The following ADCY5 variants were observed in gnomAD, a reference collection of about 807,000 sequenced individuals.
ADCY5 encodes adenylate cyclase type 5.
In ADCY5, 30 loss-of-function variants were observed where a neutral mutation model predicts 119.7. The observed-to-expected ratio is 0.25, with a 90% CI of 0.19 to 0.34. ADCY5 has a LOEUF of 0.34. Ranked by LOEUF, ADCY5 falls within the 10% of genes least tolerant of loss-of-function variation. The pLI, the probability that ADCY5 is intolerant of heterozygous loss-of-function variation, is 1.00. For missense variants in ADCY5, 1,324 were observed against 1,775.2 expected (o/e 0.75, Z 4.57); for synonymous variants, 753 against 762.2 (o/e 0.99, Z 0.20).
intron 1 of ADCY5, among the ~76,000 whole-genome samples, chr3:123,395,188 T>C (rs1944507036): frequency 6.6e-6 from 1 of 152,206 alleles, no homozygotes; most frequent in African/African-American, 2.4e-5. Context: ...CCTTGTCCCC[T>C]GGTCTAACTA....
chr3:123,318,289 G>C, intron 10 of ADCY5, 172 bp from the exon 11 acceptor site: 1 of 567,004 alleles, frequency 1.8e-6, no homozygotes, highest in Admixed American at 2.9e-5. Flanking sequence ...CAGGAAACCA[G>C]TCCAGATCAC....
At chr3:123,342,812 T>G (rs938553115) in intron 3 of ADCY5, among the ~76,000 whole-genome samples, 13 of 152,178 alleles carry the variant, frequency 8.5e-5, no homozygotes, top group African/African-American at 3.1e-4. Flanking sequence ...TTCAGAGCCC[T>G]CTCAGGCCTG....
intron 1 of ADCY5, among the ~76,000 whole-genome samples, chr3:123,382,446 G>A (rs1435783412): frequency 6.6e-6 from 1 of 152,132 alleles, no homozygotes; most frequent in East Asian, 1.9e-4. Flanking sequence ...TTGAGAGCAG[G>A]GGCTCAAACA....
rs767517552 is a variant in ADCY5, at chr3:123,364,995, G to A, written c.1135-12414C>T. 4.6e-5 allele frequency among the ~76,000 whole-genome samples: 7 copies of A among 150,860 alleles called. No homozygotes were observed. In the South Asian group the frequency reaches 6.3e-4, roughly 14 times the overall value. On this transcript the variant is annotated intron_variant, in intron 1 of 20. Coordinates refer to ENST00000462833, the MANE Select transcript of ADCY5 (RefSeq NM_183357.3). ...GTTGCCCAGGCTGGAATGCAGTGGC[G>A]AGATCTCGGCTCACTGCAAACTCTG...
intron 1 of ADCY5, among the ~76,000 whole-genome samples, chr3:123,392,339 T>C (rs1001757949): frequency 1.3e-5 from 2 of 152,176 alleles, no homozygotes; most frequent in African/African-American, 4.8e-5. Flanking sequence ...CAAGTTTTTT[T>C]CTTCCCCTAG....
chr3:123,361,685 C>A (rs961827072), intron 1 of ADCY5, among the ~76,000 whole-genome samples: 1 of 152,152 alleles, frequency 6.6e-6, no homozygotes, highest in African/African-American at 2.4e-5. Flanking sequence ...TGCTAGGGAC[C>A]AGAAGTGTTT....
At chr3:123,336,057 G>T (rs1198087226) in intron 3 of ADCY5, among the ~76,000 whole-genome samples, 1 of 152,254 alleles carries the variant, frequency 6.6e-6, no homozygotes, top group African/African-American at 2.4e-5. Context: ...GCAGCTGTGG[G>T]ATGGGCCCAG....
chr3:123,352,628 T>G lies in ADCY5; in HGVS notation c.1135-47A>C. The G allele has an allele frequency of 6.4e-7, 1 of 1,561,884 alleles. No homozygotes were observed. Among genetic ancestry groups the G allele is most frequent in the Non-Finnish European group, 8.7e-7 (1 of 1,147,536 alleles). ...CACCTAGCTCAGATCCTGACCTTCCTGGCCCCAAAGCATGAAGCCCTCAGC... is the reference window on the plus strand; with the variant it reads ...CACCTAGCTCAGATCCTGACCTTCCGGGCCCCAAAGCATGAAGCCCTCAGC... On this transcript the variant is annotated intron_variant, in intron 1 of 20. Coordinates refer to ENST00000462833, the MANE Select transcript of ADCY5 (RefSeq NM_183357.3). The surrounding 1 kb of genome is among the most constrained non-coding windows in gnomAD (Gnocchi z 4.8).
At chr3:123,285,086 G>T (rs1165982457) in intron 20 of ADCY5, among the ~76,000 whole-genome samples, 2 of 152,194 alleles carry the variant, frequency 1.3e-5, no homozygotes, top group African/African-American at 4.8e-5. Context: ...AGCTTTCAAA[G>T]CCATCTGACC....
At chr3:123,303,935 C>A in intron 13 of ADCY5, 132 bp downstream of exon 13, 2 of 648,174 alleles carry the variant, frequency 3.1e-6, no homozygotes, top group South Asian at 1.9e-5. Context: ...AAAGCTGATC[C>A]CAGACCCAGG....
chr3:123,287,071 C>T, intron 19 of ADCY5: 1 of 384,416 alleles, frequency 2.6e-6, no homozygotes, highest in Non-Finnish European at 4.6e-6. Flanking sequence ...TAGTGACCTC[C>T]TGTGCAATGC....
intron 7 of ADCY5, 55 bp downstream of exon 7, chr3:123,327,563 T>C: frequency 1.3e-6 from 2 of 1,526,494 alleles, no homozygotes; most frequent in Non-Finnish European, 1.8e-6. Flanking sequence ...GTCACGAAAA[T>C]GTTCCTCCCT....
At chr3:123,358,322 C>G (rs1943117620) in intron 1 of ADCY5, among the ~76,000 whole-genome samples, 1 of 152,094 alleles carries the variant, frequency 6.6e-6, no homozygotes, top group Non-Finnish European at 1.5e-5. Flanking sequence ...TTAAAACAAG[C>G]AGCCGGATGC....
At chr3:123,438,401 G>A (rs948435000) in intron 1 of ADCY5, among the ~76,000 whole-genome samples, 3 of 151,996 alleles carry the variant, frequency 2.0e-5, no homozygotes, top group African/African-American at 7.3e-5. Flanking sequence ...TGCTTTCCGC[G>A]GTTTCAGTAA....
chr3:123,326,223 G>A (rs1941476269), intron 7 of ADCY5, among the ~76,000 whole-genome samples: 1 of 152,224 alleles, frequency 6.6e-6, no homozygotes, highest in Admixed American at 6.5e-5. Flanking sequence ...AGATTCAAGA[G>A]CTGACAGGCA....
At position 123,437,763 on chromosome 3, in the gene ADCY5, C is replaced by G. The variant is rs561724722; in HGVS notation, c.1134+9649G>C. 2.0e-5 allele frequency among the ~76,000 whole-genome samples: 3 copies of G among 152,140 alleles called. No homozygotes were observed. The South Asian group carries it at 6.2e-4, about 32-fold the overall frequency. ...TCCGACACTACTTCCCCATGGGCAG[C>G]CACGCACTCAGTGCCTTGCTTAGGA... On this transcript the variant is annotated intron_variant, in intron 1 of 20. Transcript: ENST00000462833.
At chr3:123,305,826 A>G (rs1940168449) in intron 12 of ADCY5, among the ~76,000 whole-genome samples, 1 of 152,182 alleles carries the variant, frequency 6.6e-6, no homozygotes. Flanking sequence ...GCCATTTCCT[A>G]TCAGCACAGG....
intron 1 of ADCY5, among the ~76,000 whole-genome samples, chr3:123,375,294 G>C (rs911454402): frequency 6.6e-6 from 1 of 152,232 alleles, no homozygotes; most frequent in African/African-American, 2.4e-5. Context: ...CTCTGCCTCA[G>C]AGAAGGAAGC....
chr3:123,407,222 G>GC (rs79832902), intron 1 of ADCY5, among the ~76,000 whole-genome samples: 7,883 of 151,866 alleles, frequency 0.052, 451 homozygotes, highest in African/African-American at 0.14. Flanking sequence ...ACTGCTCTCA[G>GC]CCTCCCCACA....
Sources: gnomAD v4.1 joint callset for allele counts (sites outside exome capture counted in the v4.1 genomes callset) on GRCh38, gnomAD v4.1.1 for gene constraint, Gnocchi (gnomAD v3.1) non-coding constraint, MANE v1.5 for transcripts, NCBI Gene and HGNC (gene_info 2026-07-23, HGNC 2026-07-21) for gene names.